The following MAP2 variants were observed in gnomAD, a reference collection of about 807,000 sequenced individuals.
The protein encoded by MAP2 is microtubule-associated protein 2.
MAP2 carries 14 observed loss-of-function variants against 137.6 expected under a neutral mutation model. That is an observed-to-expected ratio of 0.10 (90% confidence interval 0.07 to 0.16). The LOEUF (loss-of-function observed/expected upper bound fraction) is 0.16. Among genes scored for constraint, MAP2 ranks in the 10% least tolerant of loss-of-function variants. The pLI is 1.00. For synonymous variants in MAP2, 786 were observed against 782.3 expected, an observed-to-expected ratio of 1.00 and a Z score of -0.08; for missense variants, 2,088 against 2,191.5, an observed-to-expected ratio of 0.95 and a Z score of 0.94.
intron 1 of MAP2, among the ~76,000 whole-genome samples, chr2:209,454,996 C>T (rs1262457286): frequency 1.3e-5 from 2 of 152,162 alleles, no homozygotes; most frequent in Non-Finnish European, 2.9e-5. Context: ...CATCTTCTTG[C>T]TGTGTCCCCA....
intron 1 of MAP2, among the ~76,000 whole-genome samples, chr2:209,497,732 G>A (rs1028291402): frequency 6.6e-6 from 1 of 152,074 alleles, no homozygotes; most frequent in Non-Finnish European, 1.5e-5. Context: ...AGAGAGAGTA[G>A]AATGGGAGGC....
intron 1 of MAP2, among the ~76,000 whole-genome samples, chr2:209,452,667 T>A (rs1700586719): frequency 6.6e-6 from 1 of 152,174 alleles, no homozygotes; most frequent in Admixed American, 6.6e-5. Flanking sequence ...ATATATTTGG[T>A]ACTTCTAGCA....
chr2:209,437,127 TGTG>T (rs1696505239), intron 1 of MAP2, among the ~76,000 whole-genome samples: 1 of 151,700 alleles, frequency 6.6e-6, no homozygotes, highest in Non-Finnish European at 1.5e-5. Flanking sequence ...TAAATTATAA[TGTG>T]TGTGTGAATA....
At chr2:209,669,350 C>A (rs993136112) in intron 5 of MAP2, among the ~76,000 whole-genome samples, 5 of 151,996 alleles carry the variant, frequency 3.3e-5, no homozygotes, top group African/African-American at 1.2e-4. Context: ...TTCCTAAATT[C>A]CATATGCATC....
chr2:209,601,895 GC>G (rs1361538322), intron 3 of MAP2, among the ~76,000 whole-genome samples: 1 of 152,036 alleles, frequency 6.6e-6, no homozygotes, highest in Non-Finnish European at 1.5e-5. Context: ...AAAGTAAATT[GC>G]CAAAAAGACT....
intron 3 of MAP2, among the ~76,000 whole-genome samples, chr2:209,607,069 A>G (rs192840272): frequency 2.6e-5 from 4 of 152,306 alleles, no homozygotes; most frequent in African/African-American, 7.2e-5. Flanking sequence ...CACAAAACTC[A>G]TCTACTCACC....
chr2:209,694,383 G>C lies in MAP2; in HGVS notation c.2213G>C (p.Ser738Thr). 2 of 1,614,140 alleles carry C rather than the reference G, an allele frequency of 1.2e-6. No individual in the cohort carries two copies. Among genetic ancestry groups the C allele is most frequent in the Non-Finnish European group, 1.7e-6 (2 of 1,180,022 alleles). ...GATATTCTAACCAACACTAGTGGAA[G>C]TATGGATGAAGGGGATGATTACCTT... is the stretch of plus-strand genomic sequence containing the variant. ...ASDILTNTSG[S>T]MDEGDDYLPA... The change falls in exon 8 of 16, where the codon AGT becomes ACT. Residue 738 changes from serine to threonine, a missense_variant. This residue lies in a region of MAP2 where 500 missense variants were observed against 482.9 expected (regional missense o/e 1.04). Coordinates refer to ENST00000682079, the MANE Select transcript of MAP2 (RefSeq NM_001375505.1).
intron 7 of MAP2, among the ~76,000 whole-genome samples, 183 bp from the exon 8 acceptor site, chr2:209,692,442 T>C (rs1385771236): frequency 1.3e-5 from 2 of 152,174 alleles, no homozygotes; most frequent in Non-Finnish European, 2.9e-5. Flanking sequence ...ATTTTAGTAA[T>C]AGTACACATA....
intron 5 of MAP2, among the ~76,000 whole-genome samples, chr2:209,660,218 C>G (rs2042780278): frequency 6.6e-6 from 1 of 151,956 alleles, no homozygotes; most frequent in African/African-American, 2.4e-5. Context: ...TACCCACTGC[C>G]AAAGAGGCAG....
At position 209,435,990 on chromosome 2, in the gene MAP2, T is replaced by TTATATATAA. The variant is rs1559159426; in HGVS notation, c.-222+11720_-222+11721insTAATATATA. Among the ~76,000 whole-genome samples, 439 of 87,758 alleles carry TTATATATAA rather than the reference T, an allele frequency of 5.0e-3. 12 individuals carry two copies. The highest frequency in any genetic ancestry group is 8.3e-3 in the African/African-American group (101 of 12,208). The allele number at this position is 87,758 out of a possible 152,430, so 57.6% of individuals were successfully genotyped here. ...TTATATATAATATATACAGTATATA[T>TTATATATAA]TATATACTATATATACAGTATATAT... is the stretch of plus-strand genomic sequence containing the variant. On this transcript the variant is annotated intron_variant, in intron 1 of 15. Coordinates refer to ENST00000682079, the MANE Select transcript of MAP2 (RefSeq NM_001375505.1).
At chr2:209,703,111 C>T (rs902650340) in intron 11 of MAP2, among the ~76,000 whole-genome samples, 11 of 152,064 alleles carry the variant, frequency 7.2e-5, no homozygotes, top group African/African-American at 2.4e-4. Context: ...TATTGGCCAT[C>T]TTTTCAGTCC....
At chr2:209,594,107 C>T (rs1221988924) in intron 3 of MAP2, among the ~76,000 whole-genome samples, 6 of 133,870 alleles carry the variant, frequency 4.5e-5, no homozygotes, top group Admixed American at 8.6e-5. Flanking sequence ...ATGATTGTGT[C>T]GCTGCACTCC....
intron 1 of MAP2, among the ~76,000 whole-genome samples, chr2:209,488,844 G>C (rs1431016600): frequency 6.6e-6 from 1 of 152,216 alleles, no homozygotes; most frequent in Non-Finnish European, 1.5e-5. Flanking sequence ...TGGGGAAAGG[G>C]GGGGATGTGG....
intron 2 of MAP2, among the ~76,000 whole-genome samples, chr2:209,545,488 G>T (rs2067869555): frequency 6.6e-6 from 1 of 152,136 alleles, no homozygotes; most frequent in Non-Finnish European, 1.5e-5. Context: ...CAACAATATT[G>T]TGGTAACGAT....
intron 13 of MAP2, among the ~76,000 whole-genome samples, chr2:209,725,110 A>G (rs954746458): frequency 1.1e-4 from 17 of 152,216 alleles, no homozygotes. Flanking sequence ...AAACTTGGAG[A>G]AGCACTGCTT....
At chr2:209,714,061 C>T (rs919787553) in intron 13 of MAP2, among the ~76,000 whole-genome samples, 1 of 151,764 alleles carries the variant, frequency 6.6e-6, no homozygotes, top group Non-Finnish European at 1.5e-5. Context: ...AATAGCCAGG[C>T]GTGGTGGTGG....
chr2:209,625,437 C>T (rs2092121828), intron 4 of MAP2, among the ~76,000 whole-genome samples: 1 of 152,160 alleles, frequency 6.6e-6, no homozygotes, highest in Admixed American at 6.5e-5. Flanking sequence ...TCTTCAGTAC[C>T]TGTTACATGC....
rs562421271 is a variant in MAP2 at position 209,660,701 on chromosome 2, A to AATTATTATT, written c.262+7309_262+7317dup. 1.3e-3 allele frequency among the ~76,000 whole-genome samples: 140 copies of AATTATTATT among 104,438 alleles called. 1 individual carries two copies. Among genetic ancestry groups the AATTATTATT allele is most frequent in the South Asian group, 2.6e-3 (7 of 2,704 alleles). 68.5% of individuals were successfully genotyped at this position (104,438 alleles called of 152,430 possible). A position where few individuals can be genotyped will look rare whatever the true frequency, so the allele number is the denominator to read the frequency against. On this transcript the variant is annotated intron_variant, in intron 5 of 15. Coordinates refer to ENST00000682079, the MANE Select transcript of MAP2 (RefSeq NM_001375505.1). ...TGAGCCACCGTGCCCGGCCTGCTGC[A>AATTATTATT]ATTATTATTATTATTATTATTATTA...
chr2:209,430,757 A>T (rs1694032407), intron 1 of MAP2, among the ~76,000 whole-genome samples: 2 of 152,170 alleles, frequency 1.3e-5, no homozygotes, highest in South Asian at 4.1e-4. Flanking sequence ...TACATGGAAA[A>T]TGCCCTTTAT....
Sources: gnomAD v4.1 joint callset for allele counts (sites outside exome capture counted in the v4.1 genomes callset) on GRCh38, gnomAD v4.1.1 for gene constraint, gnomAD v4.1.1 regional missense constraint, MANE v1.5 for transcripts, NCBI Gene and HGNC (gene_info 2026-07-23, HGNC 2026-07-21) for gene names.